AFF3: variants seen among roughly 807,000 people sequenced by gnomAD.
AFF3 encodes the protein AF4/FMR2 family member 3.
A neutral mutation model predicts 129.7 loss-of-function variants in AFF3; 32 were observed. That is an observed-to-expected ratio of 0.25 (90% CI 0.19 to 0.33). The LOEUF (loss-of-function observed/expected upper bound fraction) is 0.33, where lower values mean the gene tolerates loss of function less well. Ranked by LOEUF, AFF3 falls within the 10% of genes least tolerant of loss-of-function variation. The probability of loss-of-function intolerance (pLI) is 1.00; values close to 1 mark genes in which losing one functional copy is unlikely to be tolerated. For synonymous variants in AFF3, 644 were observed against 635.4 expected (o/e 1.01, Z -0.20); for missense variants, 1,373 against 1,592.0 (o/e 0.86, Z 2.34).
At chr2:99,682,938 T>TCAAAC (rs2104569230) in intron 11 of AFF3, among the ~76,000 whole-genome samples, 1 of 152,366 alleles carries the variant, frequency 6.6e-6, no homozygotes, top group East Asian at 1.9e-4. Flanking sequence ...ACATCTGAGA[T>TCAAAC]TACTGTTAGC....
chr2:99,703,433 A>G (rs2104800685), intron 11 of AFF3, among the ~76,000 whole-genome samples: 1 of 152,296 alleles, frequency 6.6e-6, no homozygotes, highest in East Asian at 1.9e-4. Context: ...TTTGGATACG[A>G]TGTGAAGTTT....
At chr2:99,588,281 A>T (rs1354997011) in intron 15 of AFF3, among the ~76,000 whole-genome samples, 1 of 152,018 alleles carries the variant, frequency 6.6e-6, no homozygotes, top group East Asian at 1.9e-4. Flanking sequence ...GGCTCAGGTG[A>T]TCCTCCCGCC....
chr2:99,629,709 C>A (rs977903626), intron 13 of AFF3, among the ~76,000 whole-genome samples: 3 of 152,150 alleles, frequency 2.0e-5, no homozygotes, highest in African/African-American at 7.2e-5. Context: ...GATCAAGGTG[C>A]CAGTGGATTT....
intron 4 of AFF3, among the ~76,000 whole-genome samples, chr2:100,103,855 G>A (rs983700663): frequency 4.6e-5 from 7 of 151,954 alleles, no homozygotes; most frequent in African/African-American, 7.3e-5. Flanking sequence ...AGAAACACTC[G>A]TTTCCTGCCC....
chr2:99,926,854 TAA>T (rs1258859458), intron 7 of AFF3, among the ~76,000 whole-genome samples: 2 of 149,818 alleles, frequency 1.3e-5, no homozygotes, highest in East Asian at 3.9e-4. Flanking sequence ...ATTAAAAATT[TAA>T]AAAAAAAACA....
intron 7 of AFF3, among the ~76,000 whole-genome samples, chr2:99,890,600 T>C (rs1259465897): frequency 1.3e-5 from 2 of 152,124 alleles, no homozygotes; most frequent in Non-Finnish European, 2.9e-5. Flanking sequence ...GCAACCTCTC[T>C]GAGTTCTGCA....
At chr2:99,838,934 C>A (rs976522462) in intron 7 of AFF3, among the ~76,000 whole-genome samples, 1 of 152,146 alleles carries the variant, frequency 6.6e-6, no homozygotes, top group Non-Finnish European at 1.5e-5. Context: ...CTCTACCCTT[C>A]ACTTGAGTTA....
intron 12 of AFF3, among the ~76,000 whole-genome samples, chr2:99,655,544 CGGTTCGGCAA>C (rs1685672042): frequency 6.6e-6 from 1 of 152,056 alleles, no homozygotes. Context: ...CACTGTGCTG[CGGTTCGGCAA>C]GTGGTAGGGA....
At chr2:99,619,751 G>A (rs1681808524) in intron 13 of AFF3, among the ~76,000 whole-genome samples, 1 of 152,096 alleles carries the variant, frequency 6.6e-6, no homozygotes, top group Admixed American at 6.5e-5. Flanking sequence ...TGGCTGCTGC[G>A]ATTCTCACAC....
chr2:100,017,173 G>C (rs1683202829), intron 4 of AFF3, among the ~76,000 whole-genome samples: 1 of 152,086 alleles, frequency 6.6e-6, no homozygotes, highest in East Asian at 1.9e-4. Context: ...AAATCCTAAA[G>C]AACATGACTA....
At chr2:100,059,642 C>G (rs779927309) in intron 4 of AFF3, among the ~76,000 whole-genome samples, 1 of 152,144 alleles carries the variant, frequency 6.6e-6, no homozygotes. Flanking sequence ...ATATAGCCAG[C>G]GTGGTTGTTG....
chr2:99,703,949 A>C (rs1259199563), intron 11 of AFF3, among the ~76,000 whole-genome samples: 1 of 152,232 alleles, frequency 6.6e-6, no homozygotes, highest in Non-Finnish European at 1.5e-5. Context: ...GGTTGTTCTA[A>C]GTATTGCCAT....
intron 2 of AFF3, among the ~76,000 whole-genome samples, chr2:100,114,899 T>C (rs1414184987): frequency 6.6e-6 from 1 of 152,234 alleles, no homozygotes; most frequent in Non-Finnish European, 1.5e-5. Flanking sequence ...AGGAAGACAA[T>C]TCAAGCCATG....
intron 14 of AFF3, among the ~76,000 whole-genome samples, chr2:99,599,551 C>T (rs1005911020): frequency 1.1e-4 from 16 of 152,310 alleles, no homozygotes; most frequent in African/African-American, 2.9e-4. Flanking sequence ...CCACTGCGCC[C>T]GGCCAACTGT....
chr2:99,719,553 T>C (rs1327984133), intron 11 of AFF3, among the ~76,000 whole-genome samples: 1 of 152,230 alleles, frequency 6.6e-6, no homozygotes. Context: ...TGGTGTTCCA[T>C]TGATATAAAT....
At position 99,936,442 on chromosome 2, in the gene AFF3, T is replaced by C. The variant is rs1326417519; in HGVS notation, c.873+70190A>G. 3.9e-5 allele frequency among the ~76,000 whole-genome samples: 6 copies of C among 151,938 alleles called. No individual in the cohort carries two copies. In the East Asian group the frequency reaches 9.7e-4, roughly 25 times the overall value. On this transcript the variant is annotated intron_variant, in intron 7 of 24. Coordinates refer to ENST00000672756, the MANE Select transcript of AFF3 (RefSeq NM_001386135.1). ...GGGAGCCAGCTGAGTTTCAGGGAGA[T>C]GTCCAAGAAGCAACCAGGAGGATTA...
intron 16 of AFF3, 144 bp from the exon 17 acceptor site, chr2:99,583,143 G>C: frequency 3.0e-6 from 2 of 667,016 alleles, no homozygotes; most frequent in Non-Finnish European, 5.1e-6. Flanking sequence ...ACAAGTTAAT[G>C]GCATTAGGAT....
intron 4 of AFF3, among the ~76,000 whole-genome samples, chr2:100,064,614 A>C (rs1042816789): frequency 3.3e-5 from 5 of 152,192 alleles, no homozygotes; most frequent in African/African-American, 9.6e-5. Flanking sequence ...AATTCCTGTT[A>C]CCTATGCATT....
chr2:99,718,753 A>ATT (rs769908112), intron 11 of AFF3, among the ~76,000 whole-genome samples: 8 of 143,058 alleles, frequency 5.6e-5, no homozygotes, highest in Non-Finnish European at 6.1e-5. Flanking sequence ...AGGTTTTTCA[A>ATT]TTTTTTTTTT....
Sources: gnomAD v4.1 joint callset for allele counts (sites outside exome capture counted in the v4.1 genomes callset) on GRCh38, gnomAD v4.1.1 for gene constraint, MANE v1.5 for transcripts, NCBI Gene and HGNC (gene_info 2026-07-23, HGNC 2026-07-21) for gene names.